Variants in GRIK3 observed in about 807,000 individuals in gnomAD.
GRIK3 encodes glutamate receptor ionotropic, kainate 3.
In GRIK3, 29 loss-of-function variants were observed where a neutral mutation model predicts 102.5. The observed-to-expected ratio is 0.28, with a 90% CI of 0.21 to 0.39. GRIK3 has a LOEUF of 0.39. Ranked by LOEUF, GRIK3 falls within the 10% of genes least tolerant of loss-of-function variation. GRIK3 has a pLI of 1.00. For synonymous variants in GRIK3, 511 were observed against 504.9 expected (o/e 1.01, Z -0.16); for missense variants, 908 against 1,252.4 (o/e 0.73, Z 4.15).
At chr1:36,976,322 T>C (rs1642196029) in intron 1 of GRIK3, among the ~76,000 whole-genome samples, 1 of 152,244 alleles carries the variant, frequency 6.6e-6, no homozygotes, top group Non-Finnish European at 1.5e-5. Context: ...CTACAGGGCA[T>C]CTACGACTTC....
intron 13 of GRIK3, 31 bp downstream of exon 13, chr1:36,817,029 C>T (rs758200272): frequency 2.9e-5 from 43 of 1,467,026 alleles, no homozygotes; most frequent in Middle Eastern, 1.8e-4. Flanking sequence ...GATCAGCTCA[C>T]GGTGCTGCAA....
chr1:36,800,470 A>G lies in GRIK3; in HGVS notation c.*1381T>C, dbSNP rs1395430114. The stretch of plus-strand genomic sequence containing the variant: ...TAGGTCCACCCCCTGGCTGGTACCC[A>G]ACCTGCTGCTACTTCTCTGCTGTCT... On this transcript the variant is annotated 3_prime_UTR_variant, in exon 16 of 16. Coordinates refer to ENST00000373091, the MANE Select transcript of GRIK3 (RefSeq NM_000831.4). 1 of 152,276 alleles carries G rather than the reference A, an allele frequency of 6.6e-6. No individual in the cohort carries two copies. Among genetic ancestry groups the G allele is most frequent in the Non-Finnish European group, 1.5e-5 (1 of 68,090 alleles). The allele number at this position is 152,276 out of a possible 1,614,324, so 9.4% of individuals were successfully genotyped here. A position where few individuals can be genotyped will look rare whatever the true frequency, so the allele number is the denominator to read the frequency against.
At chr1:36,962,956 A>G (rs1642031826) in intron 1 of GRIK3, among the ~76,000 whole-genome samples, 1 of 151,310 alleles carries the variant, frequency 6.6e-6, no homozygotes, top group African/African-American at 2.4e-5. Flanking sequence ...GAGAGAGATG[A>G]CCTGGGGTGG....
At chr1:37,028,525 C>A (rs1041019037) in intron 1 of GRIK3, among the ~76,000 whole-genome samples, 2 of 152,148 alleles carry the variant, frequency 1.3e-5, no homozygotes, top group African/African-American at 4.8e-5. Flanking sequence ...CAAGGCCAGT[C>A]TGACACTGAA....
intron 11 of GRIK3, among the ~76,000 whole-genome samples, chr1:36,824,524 G>A (rs771180722): frequency 5.3e-5 from 8 of 152,200 alleles, no homozygotes; most frequent in Admixed American, 6.5e-5. Flanking sequence ...CGTGGGAGGA[G>A]GGAGCGGAAG....
chr1:36,899,568 C>T (rs923951608), intron 1 of GRIK3, among the ~76,000 whole-genome samples: 30 of 152,048 alleles, frequency 2.0e-4, no homozygotes, highest in Admixed American at 1.2e-3. Flanking sequence ...TATAGAGTTT[C>T]AGTTTTACAA....
intron 5 of GRIK3, among the ~76,000 whole-genome samples, chr1:36,862,437 G>A (rs1640738378): frequency 6.6e-6 from 1 of 152,078 alleles, no homozygotes; most frequent in South Asian, 2.1e-4. Context: ...TGTCTTTGGG[G>A]ATTTTATTTT....
chr1:37,006,116 G>C (rs1421685346), intron 1 of GRIK3, among the ~76,000 whole-genome samples: 1 of 152,176 alleles, frequency 6.6e-6, no homozygotes, highest in Non-Finnish European at 1.5e-5. Flanking sequence ...GAGGCCTGGT[G>C]CTGGGAAGCC....
chr1:36,980,414 T>G (rs1381809740), intron 1 of GRIK3, among the ~76,000 whole-genome samples: 1 of 151,560 alleles, frequency 6.6e-6, no homozygotes, highest in Non-Finnish European at 1.5e-5. Flanking sequence ...ACAGATCTTC[T>G]CTTTGCTCCT....
intron 1 of GRIK3, among the ~76,000 whole-genome samples, chr1:36,969,274 C>A (rs1036504290): frequency 2.0e-5 from 3 of 152,192 alleles, no homozygotes; most frequent in Admixed American, 6.5e-5. Flanking sequence ...CCTCAGAAAC[C>A]AGCAAGGGGC....
chr1:36,949,317 C>T (rs1330372985), intron 1 of GRIK3, among the ~76,000 whole-genome samples: 1 of 152,136 alleles, frequency 6.6e-6, no homozygotes, highest in Non-Finnish European at 1.5e-5. Flanking sequence ...CCTCCAGTCC[C>T]CCTACTGAAG....
chr1:36,893,361 A>G (rs1005659598), intron 1 of GRIK3, among the ~76,000 whole-genome samples: 1 of 152,212 alleles, frequency 6.6e-6, no homozygotes, highest in Non-Finnish European at 1.5e-5. Context: ...CCATAGAAAA[A>G]TGTGCAAAGG....
intron 2 of GRIK3, among the ~76,000 whole-genome samples, chr1:36,889,536 G>T (rs574778477): frequency 2.6e-5 from 4 of 152,236 alleles, no homozygotes; most frequent in South Asian, 4.1e-4. Flanking sequence ...CATCTGGTTG[G>T]GGGGAGGCGG....
At chr1:36,971,298 G>A (rs1642137088) in intron 1 of GRIK3, among the ~76,000 whole-genome samples, 1 of 152,206 alleles carries the variant, frequency 6.6e-6, no homozygotes, top group Non-Finnish European at 1.5e-5. Flanking sequence ...TTATTCAAGA[G>A]CTTGGAGGGG....
intron 1 of GRIK3, among the ~76,000 whole-genome samples, chr1:36,970,166 A>T (rs533845158): frequency 6.6e-6 from 1 of 152,268 alleles, no homozygotes; most frequent in African/African-American, 2.4e-5. Context: ...GACTGGGAAA[A>T]TTTTATCAAC....
chr1:36,970,229 G>A (rs1642126754), intron 1 of GRIK3, among the ~76,000 whole-genome samples: 3 of 152,184 alleles, frequency 2.0e-5, no homozygotes. Context: ...CTACGAGCTG[G>A]AATGGGTCTC....
intron 1 of GRIK3, among the ~76,000 whole-genome samples, chr1:36,911,085 A>G (rs934325372): frequency 3.3e-5 from 5 of 152,132 alleles, no homozygotes; most frequent in Non-Finnish European, 5.9e-5. Flanking sequence ...TGGATAGATT[A>G]TCACAGTGAG....
intron 1 of GRIK3, among the ~76,000 whole-genome samples, chr1:36,905,450 T>A (rs1641275896): frequency 1.3e-5 from 2 of 151,696 alleles, no homozygotes; most frequent in Non-Finnish European, 2.9e-5. Context: ...TGCTTTTTTT[T>A]TTGTTTTCCA....
intron 1 of GRIK3, among the ~76,000 whole-genome samples, chr1:37,028,588 G>T (rs369561593): frequency 6.6e-6 from 1 of 152,194 alleles, no homozygotes; most frequent in Non-Finnish European, 1.5e-5. Flanking sequence ...CATCCTCCCA[G>T]AGGAGGACCA....
Sources: gnomAD v4.1 joint callset for allele counts (sites outside exome capture counted in the v4.1 genomes callset) on GRCh38, gnomAD v4.1.1 for gene constraint, MANE v1.5 for transcripts, NCBI Gene and HGNC (gene_info 2026-07-23, HGNC 2026-07-21) for gene names.